COL27A1: variants seen among roughly 807,000 people sequenced by gnomAD.
COL27A1 encodes the protein collagen type XXVII alpha 1 chain.
COL27A1 carries 106 observed loss-of-function variants against 251.3 expected under a neutral mutation model. The ratio of observed to expected loss-of-function variants is 0.42; its 90% CI spans 0.36 to 0.50. The LOEUF is 0.50. COL27A1 is among the 20% of genes least tolerant of loss of function. COL27A1 has a pLI of 0.00. For synonymous variants in COL27A1, 1,000 were observed against 986.3 expected (o/e 1.01, Z -0.26); for missense variants, 2,325 against 2,522.8 (o/e 0.92, Z 1.68).
At chr9:114,170,061 C>T (rs896711857) in intron 3 of COL27A1, among the ~76,000 whole-genome samples, 3 of 152,212 alleles carry the variant, frequency 2.0e-5, no homozygotes, top group Non-Finnish European at 2.9e-5. Context: ...GTGGGAGATG[C>T]GATGGTGCTT....
intron 21 of COL27A1, 130 bp from the exon 22 acceptor site, chr9:114,242,057 C>G: frequency 1.4e-6 from 1 of 729,544 alleles, no homozygotes; most frequent in Admixed American, 3.8e-5. Flanking sequence ...GTGGGCCAGG[C>G]GTGCTGTTTC....
intron 40 of COL27A1, among the ~76,000 whole-genome samples, chr9:114,284,368 A>G (rs1827309556): frequency 6.6e-6 from 1 of 152,218 alleles, no homozygotes; most frequent in East Asian, 1.9e-4. Flanking sequence ...GTGGGTGTCC[A>G]TACCTGCAGG....
chr9:114,300,984 C>A (rs1828582059), intron 51 of COL27A1, 88 bp from the exon 52 acceptor site: 1 of 1,316,838 alleles, frequency 7.6e-7, no homozygotes, highest in Non-Finnish European at 1.1e-6. Context: ...TACTCCCTTG[C>A]GACGCTCGGG....
intron 7 of COL27A1, among the ~76,000 whole-genome samples, chr9:114,199,625 C>T (rs373067260): frequency 2.2e-4 from 34 of 152,270 alleles, no homozygotes; most frequent in African/African-American, 6.7e-4. Context: ...TCTTCAAGAA[C>T]GCTCCCCAGC....
intron 17 of COL27A1, 107 bp from the exon 18 acceptor site, chr9:114,236,874 C>T: frequency 1.0e-6 from 1 of 993,720 alleles, no homozygotes; most frequent in Non-Finnish European, 1.6e-6. Context: ...TCATCTTCCT[C>T]CAAGGCGGGC....
chr9:114,296,960 A>G (rs1348998598), intron 49 of COL27A1, among the ~76,000 whole-genome samples: 2 of 152,358 alleles, frequency 1.3e-5, no homozygotes, highest in South Asian at 2.1e-4. Context: ...AAAATAGTAT[A>G]GACTGTGTGA....
At chr9:114,276,128 T>C (rs1766061) in intron 37 of COL27A1, among the ~76,000 whole-genome samples, 20,894 of 152,156 alleles carry the variant, frequency 0.14, 1,809 homozygotes, top group African/African-American at 0.23. Flanking sequence ...CTCTCCCTTC[T>C]TCACTCCCCT....
At chr9:114,300,588 T>C in intron 50 of COL27A1, 37 bp from the exon 51 acceptor site, 1 of 1,518,166 alleles carries the variant, frequency 6.6e-7, no homozygotes, top group South Asian at 1.3e-5. Flanking sequence ...ACCCAGTGGC[T>C]GCCAAGTACA....
chr9:114,237,163 C>T, intron 18 of COL27A1, 129 bp downstream of exon 18: 2 of 865,234 alleles, frequency 2.3e-6, no homozygotes, highest in Non-Finnish European at 1.8e-6. Flanking sequence ...GCAAGCAGGG[C>T]AGGGCAGGAA....
chr9:114,253,427 AAGAG>A (rs1240426353), intron 27 of COL27A1, among the ~76,000 whole-genome samples: 2 of 134,922 alleles, frequency 1.5e-5, no homozygotes, highest in Non-Finnish European at 3.2e-5. Flanking sequence ...GAGGAGAAAA[AAGAG>A]GAGGGAGGGA....
Position 114,235,501 on chromosome 9 carries a change from A to G in COL27A1, c.2566-98A>G. 3.3e-6 allele frequency: 3 copies of G among 918,380 alleles called. No homozygotes were observed. In the South Asian group the frequency reaches 3.9e-5, roughly 12 times the overall value. 56.9% of individuals were successfully genotyped at this position (918,380 alleles called of 1,614,324 possible). ...GCTGGCCGGATCCGACTTGGGAAACAGCCTCGGCACAGCTGTACCTCGCCA... is the reference window on the plus strand; with the variant it reads ...GCTGGCCGGATCCGACTTGGGAAACGGCCTCGGCACAGCTGTACCTCGCCA... On this transcript the variant is annotated intron_variant, in intron 16 of 60. Transcript: ENST00000356083.
intron 37 of COL27A1, among the ~76,000 whole-genome samples, chr9:114,279,085 C>T (rs948845448): frequency 3.3e-5 from 5 of 152,306 alleles, no homozygotes; most frequent in African/African-American, 1.2e-4. Context: ...TGACTCATCT[C>T]GCCTTCTGCA....
chr9:114,231,190 A>C, intron 15 of COL27A1, 58 bp downstream of exon 15: 2 of 1,503,474 alleles, frequency 1.3e-6, no homozygotes, highest in Non-Finnish European at 9.2e-7. Context: ...CCCCCGACCC[A>C]TTTCAGCCCA....
At chr9:114,162,903 C>T (rs1848598425) in intron 2 of COL27A1, 118 bp downstream of exon 2, 4 of 699,846 alleles carry the variant, frequency 5.7e-6, no homozygotes, top group African/African-American at 5.4e-5. Flanking sequence ...GTTTTCCCAT[C>T]AGTAGAATGG....
At chr9:114,243,402 G>A in intron 22 of COL27A1, 105 bp from the exon 23 acceptor site, 1 of 891,004 alleles carries the variant, frequency 1.1e-6, no homozygotes, top group Non-Finnish European at 1.8e-6. Flanking sequence ...AGGGTATGTG[G>A]CTCTCTACAG....
At position 114,312,071 on chromosome 9, in the gene COL27A1, C is replaced by T. The variant is rs1001351054; in HGVS notation, c.*1376C>T. ...CGTCCTCTGAATTGTGCTACATCAG[C>T]GAACAAGTCGGCGCTTGAATTGGAT... On this transcript the variant is annotated 3_prime_UTR_variant, in exon 61 of 61. Coordinates refer to ENST00000356083, the MANE Select transcript of COL27A1 (RefSeq NM_032888.4). 1.3e-5 allele frequency: 2 copies of T among 152,136 alleles called. No individual in the cohort carries two copies. The highest frequency in any genetic ancestry group is 6.5e-5 in the Admixed American group (1 of 15,280). 9.4% of individuals were successfully genotyped at this position (152,136 alleles called of 1,614,324 possible). A position where few individuals can be genotyped will look rare whatever the true frequency, so the allele number is the denominator to read the frequency against.
chr9:114,233,104 T>C (rs1832085850), intron 16 of COL27A1, among the ~76,000 whole-genome samples: 1 of 152,056 alleles, frequency 6.6e-6, no homozygotes, highest in African/African-American at 2.4e-5. Flanking sequence ...ACGCAGCTGG[T>C]AAGTAGAAAG....
At chr9:114,257,907 G>T (rs529871859) in intron 27 of COL27A1, among the ~76,000 whole-genome samples, 1 of 152,314 alleles carries the variant, frequency 6.6e-6, no homozygotes, top group Non-Finnish European at 1.5e-5. Context: ...TGTCATACAT[G>T]TCATTGTAGT....
In COL27A1 at chr9:114,168,009, C is replaced by T; in HGVS notation, c.454C>T (p.His152Tyr). Reference sequence around the variant, plus strand: ...CTCAGTGGCCTTCGACCTCGACATGCACGACGGGCGCTGGCACCACCTGGC... The same window carrying T: ...CTCAGTGGCCTTCGACCTCGACATGTACGACGGGCGCTGGCACCACCTGGC... ...RRSVAFDLDM[H>Y]DGRWHHLALE... The change falls in exon 3 of 61, where the codon CAC becomes TAC. Residue 152 changes from histidine to tyrosine, a missense_variant. Physicochemically the swap from His to Tyr is moderately conservative, Grantham distance 83 (BLOSUM62 2). Transcript: ENST00000356083. The T allele has an allele frequency of 6.2e-7, 1 of 1,604,476 alleles. No homozygotes were observed. Among genetic ancestry groups the T allele is most frequent in the Non-Finnish European group, 8.5e-7 (1 of 1,179,750 alleles).
Sources: allele counts gnomAD v4.1 joint callset (sites outside exome capture counted in the v4.1 genomes callset), GRCh38; gene constraint gnomAD v4.1.1; transcripts MANE v1.5; gene names NCBI Gene and HGNC (gene_info 2026-07-23, HGNC 2026-07-21).